Variants in PTPRG observed in about 807,000 individuals in gnomAD.
The protein encoded by PTPRG is receptor-type tyrosine-protein phosphatase gamma.
PTPRG carries 102 observed loss-of-function variants against 165.3 expected under a neutral mutation model. The observed-to-expected ratio is 0.62, with a 90% CI of 0.53 to 0.73. The LOEUF is 0.73. PTPRG is among the 30% of genes least tolerant of loss of function. The pLI is 0.00. For missense variants in PTPRG, 1,866 were observed against 1,861.4 expected, an observed-to-expected ratio of 1.00 and a Z score of -0.05; for synonymous variants, 675 against 669.5, an observed-to-expected ratio of 1.01 and a Z score of -0.13.
chr3:61,634,498 A>C (rs1241587654), intron 1 of PTPRG, among the ~76,000 whole-genome samples: 3 of 150,966 alleles, frequency 2.0e-5, no homozygotes, highest in Non-Finnish European at 4.4e-5. Context: ...TGACCTCCGA[A>C]AGTGTTGGGA....
intron 1 of PTPRG, among the ~76,000 whole-genome samples, chr3:61,715,575 C>T (rs940994577): frequency 6.6e-6 from 1 of 152,142 alleles, no homozygotes; most frequent in African/African-American, 2.4e-5. Context: ...TGCCCCCTCA[C>T]TCTACTGGGT....
intron 14 of PTPRG, among the ~76,000 whole-genome samples, chr3:62,243,425 T>G (rs1213065290): frequency 1.3e-5 from 2 of 152,168 alleles, no homozygotes; most frequent in African/African-American, 4.8e-5. Context: ...GGTTTTGAAC[T>G]TGGTGCTGGG....
At chr3:61,979,501 A>G (rs2040589574) in intron 2 of PTPRG, among the ~76,000 whole-genome samples, 1 of 152,180 alleles carries the variant, frequency 6.6e-6, no homozygotes, top group Non-Finnish European at 1.5e-5. Context: ...GAGAGTGGCT[A>G]AGGTTGCTAT....
chr3:61,832,562 T>C (rs2036329036), intron 2 of PTPRG, among the ~76,000 whole-genome samples: 1 of 152,186 alleles, frequency 6.6e-6, no homozygotes, highest in African/African-American at 2.4e-5. Flanking sequence ...CAGGTCCTTA[T>C]CTGACATTAT....
At position 62,245,519 on chromosome 3, in the gene PTPRG, C is replaced by T. The variant is rs1181369651; in HGVS notation, c.2467+1621C>T. On this transcript the variant is annotated intron_variant, in intron 15 of 29. Transcript: ENST00000474889. This position sits in a 1 kb window ranked among gnomAD's most constrained non-coding sequence, Gnocchi z 4.2. ...TGAAATACTTACTGGGCTGTTTTTC[C>T]ATTTCTATTTTCTTTTACCACTGGA... Among the ~76,000 whole-genome samples, 2 of 152,016 alleles carry T rather than the reference C, an allele frequency of 1.3e-5. No homozygotes were observed. The highest frequency in any genetic ancestry group is 1.3e-4 in the Admixed American group (2 of 15,256).
At chr3:61,867,105 C>T (rs1253543544) in intron 2 of PTPRG, among the ~76,000 whole-genome samples, 1 of 152,150 alleles carries the variant, frequency 6.6e-6, no homozygotes, top group African/African-American at 2.4e-5. Flanking sequence ...CTCCTGGCCC[C>T]AGAAGTTCCT....
intron 3 of PTPRG, among the ~76,000 whole-genome samples, chr3:61,998,125 T>A (rs2041082207): frequency 6.6e-6 from 1 of 152,250 alleles, no homozygotes. Context: ...ATGTTGAATT[T>A]AATTTATAAA....
intron 1 of PTPRG, among the ~76,000 whole-genome samples, chr3:61,636,073 A>G (rs1048739482): frequency 2.6e-5 from 4 of 152,168 alleles, no homozygotes. Context: ...CCTAAATTTG[A>G]GCTATCCTGA....
rs936345704 is a variant in PTPRG at position 62,243,402 on chromosome 3, G to T, written c.2376-405G>T. ...GCTGTTTGATGACGATGTTGGAAGG[G>T]GATATAAGGTGTGGTTTTGAACTTG... On this transcript the variant is annotated intron_variant, in intron 14 of 29. Transcript: ENST00000474889. Among the ~76,000 whole-genome samples, 19 of 152,072 alleles carry T rather than the reference G, an allele frequency of 1.2e-4. 1 individual carries two copies. The highest frequency in any genetic ancestry group is 9.8e-4 in the Admixed American group (15 of 15,254).
intron 26 of PTPRG, among the ~76,000 whole-genome samples, chr3:62,280,796 C>T (rs967710769): frequency 6.6e-6 from 1 of 151,892 alleles, no homozygotes; most frequent in Admixed American, 6.6e-5. Context: ...CGCCAAGATA[C>T]GGAAACAACC....
At chr3:61,778,518 G>T (rs1359264851) in intron 2 of PTPRG, among the ~76,000 whole-genome samples, 1 of 152,118 alleles carries the variant, frequency 6.6e-6, no homozygotes, top group African/African-American at 2.4e-5. Context: ...TGTTACTTAG[G>T]CCCGGAACGT....
intron 2 of PTPRG, among the ~76,000 whole-genome samples, chr3:61,830,645 G>A (rs972760583): frequency 6.9e-6 from 1 of 144,088 alleles, no homozygotes; most frequent in Non-Finnish European, 1.5e-5. Context: ...CGTGATCTCG[G>A]TTCACTGCAA....
chr3:62,104,640 T>A (rs1702410336), intron 5 of PTPRG, among the ~76,000 whole-genome samples: 1 of 152,196 alleles, frequency 6.6e-6, no homozygotes, highest in Admixed American at 6.5e-5. Flanking sequence ...TTTACGCCAG[T>A]TGAGGACCTT....
At chr3:61,911,136 C>G (rs1270855369) in intron 2 of PTPRG, among the ~76,000 whole-genome samples, 1 of 152,140 alleles carries the variant, frequency 6.6e-6, no homozygotes, top group Non-Finnish European at 1.5e-5. Flanking sequence ...CTATGACAAC[C>G]TCTATTTCCT....
At chr3:61,670,344 A>G (rs1702936324) in intron 1 of PTPRG, among the ~76,000 whole-genome samples, 1 of 152,236 alleles carries the variant, frequency 6.6e-6, no homozygotes, top group Non-Finnish European at 1.5e-5. Context: ...AATGTCTGCC[A>G]GTAACTAGTT....
chr3:61,610,765 CCCTCCCTA>C (rs763396629), intron 1 of PTPRG, among the ~76,000 whole-genome samples: 5,984 of 127,488 alleles, frequency 0.047, 293 homozygotes, highest in Middle Eastern at 0.07. Context: ...CTCCCTCCCT[CCCTCCCTA>C]CCTCCCTCCC....
intron 1 of PTPRG, among the ~76,000 whole-genome samples, chr3:61,694,628 T>C (rs1330354787): frequency 6.6e-6 from 1 of 152,160 alleles, no homozygotes; most frequent in East Asian, 1.9e-4. Context: ...GCAGCAACGA[T>C]TGGAATAGCA....
At chr3:61,695,581 C>T (rs1002681356) in intron 1 of PTPRG, among the ~76,000 whole-genome samples, 3 of 152,140 alleles carry the variant, frequency 2.0e-5, no homozygotes, top group African/African-American at 7.2e-5. Flanking sequence ...TCATACACCT[C>T]GGCATTTTAG....
At chr3:61,907,134 T>C (rs901009126) in intron 2 of PTPRG, among the ~76,000 whole-genome samples, 4 of 151,588 alleles carry the variant, frequency 2.6e-5, no homozygotes, top group African/African-American at 9.7e-5. Context: ...TTCCCCAACT[T>C]CCCCCACCCC....
Sources: allele counts gnomAD v4.1 joint callset (sites outside exome capture counted in the v4.1 genomes callset), GRCh38; gene constraint gnomAD v4.1.1; non-coding constraint Gnocchi (gnomAD v3.1); transcripts MANE v1.5; gene names NCBI Gene and HGNC (gene_info 2026-07-23, HGNC 2026-07-21).